Variants in SLC9A9 observed in about 807,000 individuals in gnomAD.
SLC9A9 encodes the protein sodium/hydrogen exchanger 9.
A neutral mutation model predicts 77.8 loss-of-function variants in SLC9A9; 62 were observed. The ratio of observed to expected loss-of-function variants is 0.80; its 90% CI spans 0.65 to 0.98. The LOEUF (loss-of-function observed/expected upper bound fraction) is 0.98, where lower values mean the gene tolerates loss of function less well. Among genes scored for constraint, SLC9A9 ranks in the 50% least tolerant of loss-of-function variants. SLC9A9 has a pLI of 0.00. For missense variants in SLC9A9, 775 were observed against 774.9 expected, an observed-to-expected ratio of 1.00 and a Z score of 0.00; for synonymous variants, 320 against 283.5, an observed-to-expected ratio of 1.13 and a Z score of -1.29.
intron 4 of SLC9A9, among the ~76,000 whole-genome samples, chr3:143,700,563 G>A (rs1933767680): frequency 6.6e-6 from 1 of 152,246 alleles, no homozygotes; most frequent in African/African-American, 2.4e-5. Flanking sequence ...GGTGACCATG[G>A]GGTGAGGTCC....
chr3:143,821,991 G>T (rs548396798), intron 2 of SLC9A9, among the ~76,000 whole-genome samples: 206 of 152,342 alleles, frequency 1.4e-3, no homozygotes, highest in Non-Finnish European at 2.3e-3. Flanking sequence ...AGCGCTGTCA[G>T]TCCCTTTAGG....
intron 12 of SLC9A9, among the ~76,000 whole-genome samples, chr3:143,401,675 A>C (rs1267941035): frequency 6.6e-6 from 1 of 152,180 alleles, no homozygotes; most frequent in African/African-American, 2.4e-5. Flanking sequence ...GTACAACTCG[A>C]CATAGACTGT....
At chr3:143,656,151 A>G (rs1419464183) in intron 5 of SLC9A9, among the ~76,000 whole-genome samples, 3 of 152,214 alleles carry the variant, frequency 2.0e-5, no homozygotes, top group South Asian at 2.1e-4. Context: ...AAGGTTGAAA[A>G]TGTGCAGAAT....
chr3:143,847,371 A>G (rs1490325813), intron 1 of SLC9A9, among the ~76,000 whole-genome samples: 2 of 152,232 alleles, frequency 1.3e-5, no homozygotes, highest in Non-Finnish European at 2.9e-5. Context: ...AGATGAGAGT[A>G]CAGACAGATA....
chr3:143,354,232 G>A (rs16853472), intron 14 of SLC9A9, among the ~76,000 whole-genome samples: 3 of 152,104 alleles, frequency 2.0e-5, no homozygotes, highest in Non-Finnish European at 4.4e-5. Flanking sequence ...TTACGAAATC[G>A]CTGTTCCTCC....
At chr3:143,831,707 A>G (rs1259272912) in intron 2 of SLC9A9, among the ~76,000 whole-genome samples, 4 of 152,220 alleles carry the variant, frequency 2.6e-5, no homozygotes, top group Non-Finnish European at 4.4e-5. Flanking sequence ...GAAAACTTGA[A>G]TCAAGTATCA....
chr3:143,828,591 A>T lies in SLC9A9; in HGVS notation c.378+3428T>A, dbSNP rs529994366. On this transcript the variant is annotated intron_variant, in intron 2 of 15. Transcript: ENST00000316549. Reference sequence around the variant, plus strand: ...CACACACACACACACACAGAGAGAGAGAGAGAGAAGAGAAGGGAGGGAGGA... The same window carrying T: ...CACACACACACACACACAGAGAGAGTGAGAGAGAAGAGAAGGGAGGGAGGA... Among the ~76,000 whole-genome samples the T allele has an allele frequency of 2.6e-5, 4 of 152,190 alleles. No homozygotes were observed. In the South Asian group the frequency reaches 8.3e-4, roughly 32 times the overall value.
intron 4 of SLC9A9, among the ~76,000 whole-genome samples, chr3:143,730,657 G>C (rs751107190): frequency 1.3e-5 from 2 of 152,104 alleles, no homozygotes; most frequent in African/African-American, 4.8e-5. Context: ...TGTTAACAAG[G>C]CATGAATGCT....
chr3:143,784,844 G>T (rs2166773), intron 4 of SLC9A9, among the ~76,000 whole-genome samples: 85,216 of 151,974 alleles, frequency 0.56, 26,656 homozygotes, highest in African/African-American at 0.84. Context: ...CCTTTGGGAA[G>T]TAATTAGGTT....
At chr3:143,841,187 AC>A (rs1314914199) in intron 1 of SLC9A9, among the ~76,000 whole-genome samples, 6 of 151,906 alleles carry the variant, frequency 3.9e-5, no homozygotes, top group East Asian at 1.9e-4. Flanking sequence ...ATGATAACAC[AC>A]CCCCTACACA....
chr3:143,817,132 TA>T lies in SLC9A9; in HGVS notation c.378+14886del, dbSNP rs1401740562. On this transcript the variant is annotated intron_variant, in intron 2 of 15. Transcript: ENST00000316549. ...ATGGTGTCTTTTTCATGCAAAAGTT[TA>T]TTTTTTTTTTTATTTTTTTTTTTTT... 6.7e-3 allele frequency among the ~76,000 whole-genome samples: 908 copies of T among 135,136 alleles called. 7 individuals are homozygous for T. Among genetic ancestry groups the T allele is most frequent in the African/African-American group, 0.023 (857 of 36,554 alleles). The allele number at this position is 135,136 out of a possible 152,430, so 88.7% of individuals were successfully genotyped here. A position where few individuals can be genotyped will look rare whatever the true frequency, so the allele number is the denominator to read the frequency against.
rs777645653 is a variant in SLC9A9 at position 143,552,407 on chromosome 3, A to G, written c.1044T>C (p.Tyr348=). 42 of 1,613,246 alleles carry G rather than the reference A, an allele frequency of 2.6e-5. No homozygotes were observed. In the South Asian group the frequency reaches 4.4e-4, roughly 17 times the overall value. The change falls in exon 9 of 16, where the codon TAT becomes TAC. Residue 348 remains tyrosine (Y), a synonymous_variant. Coordinates refer to ENST00000316549, the MANE Select transcript of SLC9A9 (RefSeq NM_173653.4). ...AATCCGAAGACAGATTGTTGTAGGTATAATGTGCTTGTGTGACTCCACAGA... is the reference window on the plus strand; with the variant it reads ...AATCCGAAGACAGATTGTTGTAGGTGTAATGTGCTTGTGTGACTCCACAGA... ...VLFCGVTQAH[Y]TYNNLSSDSK... is the part of the protein sequence containing the mutation.
intron 13 of SLC9A9, among the ~76,000 whole-genome samples, chr3:143,367,070 CCT>C (rs1295339021): frequency 1.3e-5 from 2 of 152,206 alleles, no homozygotes; most frequent in Non-Finnish European, 1.5e-5. Context: ...TCTTAGAAAT[CCT>C]CTCTTTTTCT....
intron 11 of SLC9A9, among the ~76,000 whole-genome samples, chr3:143,484,773 A>C (rs1027762856): frequency 1.3e-5 from 2 of 152,218 alleles, no homozygotes; most frequent in African/African-American, 4.8e-5. Flanking sequence ...CTAAGTTCAA[A>C]GTCGAGAGGC....
At chr3:143,474,755 G>T (rs921077736) in intron 11 of SLC9A9, among the ~76,000 whole-genome samples, 2 of 152,100 alleles carry the variant, frequency 1.3e-5, no homozygotes, top group African/African-American at 4.8e-5. Flanking sequence ...AGAGTAGAAA[G>T]ATATGAGGAT....
intron 9 of SLC9A9, among the ~76,000 whole-genome samples, chr3:143,540,734 G>T (rs530853901): frequency 1.2e-4 from 18 of 152,260 alleles, no homozygotes; most frequent in African/African-American, 4.3e-4. Flanking sequence ...TATTCTTTGT[G>T]TGGCCTTAAC....
chr3:143,527,528 T>C (rs2036426207), intron 9 of SLC9A9, among the ~76,000 whole-genome samples: 1 of 152,232 alleles, frequency 6.6e-6, no homozygotes, highest in Admixed American at 6.5e-5. Flanking sequence ...TGTGTCAAAA[T>C]TTGTCAGGTC....
chr3:143,269,037 C>T (rs532924645), intron 14 of SLC9A9, 57 bp from the exon 15 acceptor site: 41 of 1,278,332 alleles, frequency 3.2e-5, no homozygotes, highest in African/African-American at 1.8e-4. Context: ...AGGAATCTTA[C>T]GCTGCACAAA....
chr3:143,766,713 G>A (rs1170860098), intron 4 of SLC9A9, among the ~76,000 whole-genome samples: 1 of 152,166 alleles, frequency 6.6e-6, no homozygotes, highest in East Asian at 1.9e-4. Flanking sequence ...GGAACTACAG[G>A]TGCCACCACC....
Sources: allele counts gnomAD v4.1 joint callset (sites outside exome capture counted in the v4.1 genomes callset), GRCh38; gene constraint gnomAD v4.1.1; transcripts MANE v1.5; gene names NCBI Gene and HGNC (gene_info 2026-07-23, HGNC 2026-07-21).